The following MPC2 variants were observed in gnomAD, a reference collection of about 807,000 sequenced individuals.
MPC2 encodes the protein mitochondrial pyruvate carrier 2, also known as brain protein 44.
In MPC2, 19 loss-of-function variants were observed where a neutral mutation model predicts 19.2. The observed-to-expected ratio is 0.99, with a 90% CI of 0.69 to 1.45. MPC2 has a LOEUF of 1.45. Ranked by LOEUF, MPC2 falls within the 40% of genes most tolerant of loss-of-function variation. The probability of loss-of-function intolerance (pLI) is 0.00; values close to 1 mark genes in which losing one functional copy is unlikely to be tolerated. For synonymous variants in MPC2, 61 were observed against 54.3 expected (o/e 1.12, Z -0.54); for missense variants, 122 against 153.0 (o/e 0.80, Z 1.07).
rs762035265 is a variant in MPC2 at position 167,936,987 on chromosome 1, C to T, written c.-106G>A. On this transcript the variant is annotated 5_prime_UTR_variant, in exon 1 of 6. Transcript: ENST00000271373. ...GTCCCTCGGGCTGGAGGACCCGTCC[C>T]GGCTGCGGAGTCGCTACCTGGGTGA... The T allele has an allele frequency of 3.7e-6, 6 of 1,610,350 alleles. No individual in the cohort carries two copies. The highest frequency in any genetic ancestry group is 5.1e-6 in the Non-Finnish European group (6 of 1,178,960).
intron 2 of MPC2, among the ~76,000 whole-genome samples, chr1:167,934,791 C>T (rs747021200): frequency 6.6e-6 from 1 of 152,138 alleles, no homozygotes; most frequent in South Asian, 2.1e-4. Context: ...TCTAGTTTGC[C>T]AAGTCTTAGG....
At chr1:167,935,685 G>A (rs1221905860) in intron 2 of MPC2, 48 bp downstream of exon 2, 6 of 1,489,264 alleles carry the variant, frequency 4.0e-6, no homozygotes, top group Non-Finnish European at 5.5e-6. Flanking sequence ...CCATTTTAGA[G>A]GAAGCGAGAA....
chr1:167,923,282 G>A (rs1313976830), intron 3 of MPC2, among the ~76,000 whole-genome samples: 1 of 152,140 alleles, frequency 6.6e-6, no homozygotes, highest in Non-Finnish European at 1.5e-5. Flanking sequence ...CAGCAAAAAT[G>A]TGGAAGCAAA....
At chr1:167,936,754 C>T in intron 1 of MPC2, 185 bp downstream of exon 1, 1 of 637,316 alleles carries the variant, frequency 1.6e-6, no homozygotes, top group South Asian at 2.0e-5. Context: ...GCTTCAGGGG[C>T]CCAGGCGCCG....
At chr1:167,931,452 T>G (rs1670907691) in intron 2 of MPC2, among the ~76,000 whole-genome samples, 1 of 152,182 alleles carries the variant, frequency 6.6e-6, no homozygotes. Context: ...ATCTTACATC[T>G]ATTTTAGTTA....
chr1:167,933,877 G>A (rs1040171919), intron 2 of MPC2, among the ~76,000 whole-genome samples: 1 of 152,154 alleles, frequency 6.6e-6, no homozygotes, highest in African/African-American at 2.4e-5. Context: ...CAGTTATTGA[G>A]AGTCTAAGTG....
At chr1:167,929,307 C>T (rs1317967449) in intron 2 of MPC2, among the ~76,000 whole-genome samples, 1 of 151,518 alleles carries the variant, frequency 6.6e-6, no homozygotes, top group Non-Finnish European at 1.5e-5. Flanking sequence ...TGCAGTGAGC[C>T]GAGATTGCAC....
intron 2 of MPC2, 61 bp downstream of exon 2, chr1:167,935,672 G>T (rs964580115): frequency 1.4e-6 from 2 of 1,403,660 alleles, no homozygotes; most frequent in African/African-American, 2.9e-5. Flanking sequence ...GCCTCTAAAA[G>T]GTCCATTTTA....
intron 1 of MPC2, 50 bp downstream of exon 1, chr1:167,936,889 T>G (rs1185233605): frequency 1.2e-5 from 14 of 1,183,586 alleles, no homozygotes; most frequent in Non-Finnish European, 1.5e-5. Flanking sequence ...TGGTCTCCCC[T>G]CCCACCCGGC....
At chr1:167,929,269 G>A (rs531132353) in intron 2 of MPC2, among the ~76,000 whole-genome samples, 1 of 152,160 alleles carries the variant, frequency 6.6e-6, no homozygotes, top group East Asian at 1.9e-4. Flanking sequence ...TGAGGCAGGG[G>A]AATCGCTAGA....
chr1:167,929,797 T>C lies in MPC2; in HGVS notation c.110-5260A>G, dbSNP rs564336063. ...CATATACACACTTACAAATACTGGA[T>C]TGAGGTATTCACTATATCCCTCTGT... On this transcript the variant is annotated intron_variant, in intron 2 of 5. Coordinates refer to ENST00000271373, the MANE Select transcript of MPC2 (RefSeq NM_001143674.4). Among the ~76,000 whole-genome samples the C allele has an allele frequency of 1.2e-4, 18 of 152,336 alleles. No homozygotes were observed. The South Asian group carries it at 2.1e-3, about 18-fold the overall frequency.
Position 167,935,754 on chromosome 1 carries a change from G to C in MPC2, c.88C>G (p.Pro30Ala). The C allele has an allele frequency of 6.4e-7, 1 of 1,564,204 alleles. No homozygotes were observed. Among genetic ancestry groups the C allele is most frequent in the Admixed American group, 1.9e-5 (1 of 52,784 alleles). ...TTACCTGCTGGATGGTTGTACAACG[G>C]CCTCAATTTCTCGGGCAGCATCAGC... Reference protein sequence around the residue: ...VELMLPEKLRPLYNHPAGPRT... With the variant: ...VELMLPEKLRALYNHPAGPRT... Residue 30 changes from proline (P) to alanine (A), a missense_variant, in exon 2 of 6, where the codon CCG becomes GCG. Physicochemically the swap from Pro to Ala is conservative, Grantham distance 27 (BLOSUM62 -1). Coordinates refer to ENST00000271373, the MANE Select transcript of MPC2 (RefSeq NM_001143674.4).
chr1:167,927,157 G>A (rs544893991), intron 2 of MPC2, among the ~76,000 whole-genome samples: 37 of 152,212 alleles, frequency 2.4e-4, no homozygotes, highest in African/African-American at 8.2e-4. Context: ...GATTTGCCTC[G>A]ACACTGCTTC....
Position 167,917,988 on chromosome 1 carries a change from A to G in MPC2, c.*335T>C. The G allele has an allele frequency of 5.2e-6, 1 of 193,356 alleles. No individual in the cohort carries two copies. The highest frequency in any genetic ancestry group is 5.7e-5 in the Admixed American group (1 of 17,434). 12.0% of individuals were successfully genotyped at this position (193,356 alleles called of 1,614,324 possible). A position where few individuals can be genotyped will look rare whatever the true frequency, so the allele number is the denominator to read the frequency against. ...CCATCCTACACTAAATAAGCAGATA[A>G]TTTAATCTTCCAACTTCTTGAATTT... On this transcript the variant is annotated 3_prime_UTR_variant, in exon 6 of 6. Coordinates refer to ENST00000271373, the MANE Select transcript of MPC2 (RefSeq NM_001143674.4).
In MPC2 at chr1:167,925,456, TATATATATATATATATATAC is replaced by T. The variant is rs1418814201; in HGVS notation, c.110-939_110-920del. On this transcript the variant is annotated intron_variant, in intron 2 of 5. Transcript: ENST00000271373. ...ATACATATACACATATATATATATA[TATATATATATATATATATAC>T]ATATACATATACACACACATATATA... 1.3e-3 allele frequency among the ~76,000 whole-genome samples: 143 copies of T among 111,876 alleles called. 1 individual carries two copies. In the South Asian group the frequency reaches 0.021, roughly 16 times the overall value. The allele number at this position is 111,876 out of a possible 152,430, so 73.4% of individuals were successfully genotyped here.
chr1:167,936,586 G>A (rs1671243188), intron 1 of MPC2: 4 of 317,636 alleles, frequency 1.3e-5, no homozygotes, highest in South Asian at 9.7e-5. Context: ...TGGCGGGGAG[G>A]GTATCCAGGA....
intron 2 of MPC2, among the ~76,000 whole-genome samples, chr1:167,928,539 G>A (rs1670818883): frequency 6.6e-6 from 1 of 152,042 alleles, no homozygotes; most frequent in Non-Finnish European, 1.5e-5. Flanking sequence ...CAGTGGATAT[G>A]GTAGCGAAAA....
intron 2 of MPC2, among the ~76,000 whole-genome samples, chr1:167,935,420 C>T (rs114134571): frequency 1.8e-3 from 277 of 152,284 alleles, no homozygotes; most frequent in African/African-American, 6.3e-3. Context: ...CATGGTGGCC[C>T]CAGACAGTTT....
intron 1 of MPC2, chr1:167,936,120 A>C: frequency 2.0e-6 from 1 of 499,096 alleles, no homozygotes; most frequent in Non-Finnish European, 3.7e-6. Flanking sequence ...CAGGTGCCAA[A>C]ATAATCACCT....
Sources: gnomAD v4.1 joint callset for allele counts (sites outside exome capture counted in the v4.1 genomes callset) on GRCh38, gnomAD v4.1.1 for gene constraint, MANE v1.5 for transcripts, NCBI Gene and HGNC (gene_info 2026-07-23, HGNC 2026-07-21) for gene names.